GRM7: variants seen among roughly 807,000 people sequenced by gnomAD.
The protein encoded by GRM7 is glutamate metabotropic receptor 7, also known as metabotropic glutamate receptor 7.
GRM7 carries 35 observed loss-of-function variants against 84.5 expected under a neutral mutation model. The observed-to-expected ratio is 0.41, with a 90% confidence interval of 0.32 to 0.55. The LOEUF is 0.55. Ranked by LOEUF, GRM7 falls within the 20% of genes least tolerant of loss-of-function variation. The pLI is 0.19. For synonymous variants in GRM7, 487 were observed against 455.1 expected (o/e 1.07, Z -0.89); for missense variants, 1,003 against 1,194.6 (o/e 0.84, Z 2.36).
At position 7,362,729 on chromosome 3, in the gene GRM7, G is replaced by A. The variant is rs572630796; in HGVS notation, c.1034-52294G>A. On this transcript the variant is annotated intron_variant, in intron 4 of 9. Coordinates refer to ENST00000357716, the MANE Select transcript of GRM7 (RefSeq NM_000844.4). ...CTTAGACTTATACTTTCAAGTTTAT[G>A]TGTGGTGTAGCGTGAAGAGGTGTTA... 2.6e-5 allele frequency among the ~76,000 whole-genome samples: 4 copies of A among 152,226 alleles called. No homozygotes were observed. In the South Asian group the frequency reaches 6.2e-4, roughly 24 times the overall value.
chr3:6,894,809 A>G (rs1046669194), intron 1 of GRM7, among the ~76,000 whole-genome samples: 3 of 152,148 alleles, frequency 2.0e-5, no homozygotes, highest in Non-Finnish European at 4.4e-5. Flanking sequence ...ATGGAACACT[A>G]TAATTAAACA....
chr3:7,484,497 G>C (rs1699249638), intron 7 of GRM7, among the ~76,000 whole-genome samples: 1 of 152,148 alleles, frequency 6.6e-6, no homozygotes, highest in African/African-American at 2.4e-5. Flanking sequence ...CCAATGCTCA[G>C]AGCTGTAAGA....
chr3:7,697,956 G>A (rs1425636871), intron 9 of GRM7, among the ~76,000 whole-genome samples: 1 of 152,098 alleles, frequency 6.6e-6, no homozygotes, highest in African/African-American at 2.4e-5. Context: ...GTCTTGTGAG[G>A]TTTACTAAAA....
At chr3:7,081,836 A>T (rs560671258) in intron 1 of GRM7, among the ~76,000 whole-genome samples, 1 of 152,278 alleles carries the variant, frequency 6.6e-6, no homozygotes, top group African/African-American at 2.4e-5. Flanking sequence ...CCAACCAGCC[A>T]CAACACTCCC....
At chr3:7,449,544 C>T (rs1004862091) in intron 5 of GRM7, among the ~76,000 whole-genome samples, 51 of 152,082 alleles carry the variant, frequency 3.4e-4, no homozygotes, top group Admixed American at 2.9e-3. Flanking sequence ...CACAGAGGGG[C>T]TTGCTCTGTC....
intron 2 of GRM7, among the ~76,000 whole-genome samples, chr3:7,175,333 TTAA>T (rs1291199013): frequency 2.0e-5 from 3 of 152,210 alleles, no homozygotes; most frequent in Non-Finnish European, 4.4e-5. Flanking sequence ...TTTATAATAT[TTAA>T]TAATTTTACA....
intron 8 of GRM7, among the ~76,000 whole-genome samples, chr3:7,653,959 TC>T (rs1460857104): frequency 3.3e-5 from 5 of 152,182 alleles, no homozygotes; most frequent in African/African-American, 1.2e-4. Flanking sequence ...CCCCTGCTAC[TC>T]CCTTGCCCCC....
At chr3:7,252,446 C>T (rs1487054934) in intron 2 of GRM7, among the ~76,000 whole-genome samples, 3 of 152,134 alleles carry the variant, frequency 2.0e-5, no homozygotes, top group African/African-American at 7.2e-5. Context: ...GCAGTTCTCC[C>T]CCTTTTCTGA....
chr3:7,725,751 T>C (rs934987027), intron 9 of GRM7, among the ~76,000 whole-genome samples: 1 of 152,204 alleles, frequency 6.6e-6, no homozygotes, highest in Non-Finnish European at 1.5e-5. Flanking sequence ...GATTAGTCCA[T>C]TACCTGGCTG....
chr3:7,228,613 A>G (rs886566868), intron 2 of GRM7, among the ~76,000 whole-genome samples: 2 of 152,198 alleles, frequency 1.3e-5, no homozygotes, highest in Non-Finnish European at 2.9e-5. Flanking sequence ...ATACGGATAA[A>G]GAGAATTCTG....
chr3:7,695,380 T>C (rs1197784152), intron 9 of GRM7, among the ~76,000 whole-genome samples: 2 of 152,208 alleles, frequency 1.3e-5, no homozygotes, highest in Non-Finnish European at 2.9e-5. Context: ...CAAAGTGTGT[T>C]GATACATCTT....
chr3:7,235,208 G>GTTTCCTTCCTTTT (rs1327487245), intron 2 of GRM7, among the ~76,000 whole-genome samples: 1 of 152,130 alleles, frequency 6.6e-6, no homozygotes, highest in Non-Finnish European at 1.5e-5. Context: ...TCCTTCCTTT[G>GTTTCCTTCCTTTT]TATTTCCATG....
intron 4 of GRM7, among the ~76,000 whole-genome samples, chr3:7,322,632 A>T (rs1457028833): frequency 6.7e-6 from 1 of 148,776 alleles, no homozygotes; most frequent in Non-Finnish European, 1.5e-5. Context: ...CTTAGCTCTC[A>T]CTTATAAGTG....
At position 7,544,184 on chromosome 3, in the gene GRM7, A is replaced by T. The variant is rs1211141874; in HGVS notation, c.1516-34238A>T. Reference sequence around the variant, plus strand: ...TTTATTTTATTTTTACTTTTTTCTTAAGAGACAGGGTCTCACTCTGTCACC... The same window carrying T: ...TTTATTTTATTTTTACTTTTTTCTTTAGAGACAGGGTCTCACTCTGTCACC... On this transcript the variant is annotated intron_variant, in intron 7 of 9. Transcript: ENST00000357716. Among the ~76,000 whole-genome samples the T allele has an allele frequency of 2.0e-5, 3 of 152,082 alleles. 1 individual carries two copies. Among genetic ancestry groups the T allele is most frequent in the Non-Finnish European group, 2.9e-5 (2 of 68,010 alleles).
At position 7,656,604 on chromosome 3, in the gene GRM7, A is replaced by C. The variant is rs201612140; in HGVS notation, c.2452-23445A>C. 2.0e-3 allele frequency among the ~76,000 whole-genome samples: 304 copies of C among 151,794 alleles called. 1 individual carries two copies. The highest frequency in any genetic ancestry group is 3.8e-3 in the Non-Finnish European group (258 of 67,932). ...AGTGTGCTGTGGCAGACAGAGGAAA[A>C]GCAGGTCGTGTTTTATGTCCCCAGG... On this transcript the variant is annotated intron_variant, in intron 8 of 9. Transcript: ENST00000357716.
intron 1 of GRM7, among the ~76,000 whole-genome samples, chr3:7,002,326 A>G (rs1195601512): frequency 1.3e-5 from 2 of 152,230 alleles, no homozygotes; most frequent in African/African-American, 4.8e-5. Context: ...ACTAAAAAAC[A>G]GGATAACCGT....
At chr3:7,646,030 T>C (rs962717292) in intron 8 of GRM7, among the ~76,000 whole-genome samples, 1 of 150,586 alleles carries the variant, frequency 6.6e-6, no homozygotes, top group African/African-American at 2.5e-5. Flanking sequence ...TTCATTTCTC[T>C]TTCTCTTGGT....
Position 6,928,313 on chromosome 3 carries a change from C to T in GRM7, c.519+66406C>T, listed in dbSNP as rs1006817372. ...TGTTAACTTGTAGATATGATTAAGCCCCACAGTTTTCCCATGAAAGTTTAC... is the reference window on the plus strand; with the variant it reads ...TGTTAACTTGTAGATATGATTAAGCTCCACAGTTTTCCCATGAAAGTTTAC... On this transcript the variant is annotated intron_variant, in intron 1 of 9. Transcript: ENST00000357716. This position sits in a 1 kb window ranked among gnomAD's most constrained non-coding sequence, Gnocchi z 4.5. Among the ~76,000 whole-genome samples, 1 of 151,928 alleles carries T rather than the reference C, an allele frequency of 6.6e-6. No individual in the cohort carries two copies. The highest frequency in any genetic ancestry group is 1.5e-5 in the Non-Finnish European group (1 of 67,998).
At chr3:7,687,276 C>T (rs1700622485) in intron 9 of GRM7, among the ~76,000 whole-genome samples, 2 of 152,186 alleles carry the variant, frequency 1.3e-5, no homozygotes, top group East Asian at 1.9e-4. Context: ...AGTGGGCTGG[C>T]ATAAGAATAA....
Sources: gnomAD v4.1 joint callset for allele counts (sites outside exome capture counted in the v4.1 genomes callset) on GRCh38, gnomAD v4.1.1 for gene constraint, Gnocchi (gnomAD v3.1) non-coding constraint, MANE v1.5 for transcripts, NCBI Gene and HGNC (gene_info 2026-07-23, HGNC 2026-07-21) for gene names.